ZNF729: variants seen among roughly 807,000 people sequenced by gnomAD.
ZNF729 encodes zinc finger protein 729.
A neutral mutation model predicts 12.2 loss-of-function variants in ZNF729; 15 were observed. That is an observed-to-expected ratio of 1.23 (90% CI 0.82 to 1.89). The LOEUF is 1.89. ZNF729 is among the 40% of genes most tolerant of loss of function. The pLI is 0.00. For synonymous variants in ZNF729, 492 were observed against 476.3 expected (o/e 1.03, Z -0.43); for missense variants, 1,540 against 1,456.7 (o/e 1.06, Z -0.93).
Position 22,313,888 on chromosome 19 carries a change from C to T in ZNF729, c.471C>T (p.Asn157=). 1 of 1,539,936 alleles carries T rather than the reference C, an allele frequency of 6.5e-7. No homozygotes were observed. Among genetic ancestry groups the T allele is most frequent in the Non-Finnish European group, 8.7e-7 (1 of 1,146,136 alleles). Residue 157 remains asparagine, a synonymous_variant, in exon 4 of 4, where the codon AAC becomes AAT. Coordinates refer to ENST00000601693, the MANE Select transcript of ZNF729 (RefSeq NM_001242680.2). ...TATQRKIFQC[N]KHMKVFHKYS... is the part of the protein sequence containing the mutation. ...CCCAGAGAAAAATATTTCAGTGTAA[C>T]AAACATATGAAAGTCTTTCATAAAT...
chr19:22,290,249 C>A (rs1232523631), intron 1 of ZNF729, among the ~76,000 whole-genome samples: 2 of 152,136 alleles, frequency 1.3e-5, no homozygotes, highest in Admixed American at 6.5e-5. Context: ...AACTACATAG[C>A]CTTGGAAAGT....
At position 22,316,448 on chromosome 19, in the gene ZNF729, A is replaced by G; in HGVS notation, c.3031A>G (p.Lys1011Glu). Residue 1011 changes from lysine (K) to glutamate (E), a missense_variant, in exon 4 of 4, where the codon AAG becomes GAG. Physicochemically the swap from Lys to Glu is moderately conservative, Grantham distance 56. Transcript: ENST00000601693. ...CAATTCCTCAACCCTTAAGAAACAT[A>G]AGCTAATTCATACTAGGGAGAAATT... ...FNNSSTLKKHKLIHTREKLYK... is the reference protein window; with the variant it reads ...FNNSSTLKKHELIHTREKLYK... 1.9e-6 allele frequency: 3 copies of G among 1,613,692 alleles called. No individual in the cohort carries two copies. Among genetic ancestry groups the G allele is most frequent in the South Asian group, 1.1e-5 (1 of 91,054 alleles).
chr19:22,300,567 G>A (rs1313210086), intron 1 of ZNF729, among the ~76,000 whole-genome samples: 1 of 152,162 alleles, frequency 6.6e-6, no homozygotes, highest in Non-Finnish European at 1.5e-5. Context: ...GTGCTGCAAA[G>A]TGCATACTGT....
In ZNF729 at chr19:22,316,898, A is replaced by G. The variant is rs1188563607; in HGVS notation, c.3481A>G (p.Lys1161Glu). 9.9e-6 allele frequency: 16 copies of G among 1,613,090 alleles called. No homozygotes were observed. The highest frequency in any genetic ancestry group is 1.4e-5 in the Non-Finnish European group (16 of 1,179,950). ...KIIHSVEKPY[K>E]CEECGKAFNQ... ...AATTCATTCTGTAGAGAAACCCTACAAATGTGAAGAATGTGGCAAAGCCTT... is the reference window on the plus strand; with the variant it reads ...AATTCATTCTGTAGAGAAACCCTACGAATGTGAAGAATGTGGCAAAGCCTT... Residue 1161 changes from lysine to glutamate, a missense_variant, in exon 4 of 4, where the codon AAA becomes GAA. Physicochemically the swap from Lys to Glu is moderately conservative, Grantham distance 56. Coordinates refer to ENST00000601693, the MANE Select transcript of ZNF729 (RefSeq NM_001242680.2).
intron 3 of ZNF729, among the ~76,000 whole-genome samples, chr19:22,312,789 C>A (rs1968467696): frequency 6.6e-6 from 1 of 152,142 alleles, no homozygotes; most frequent in African/African-American, 2.4e-5. Flanking sequence ...TCTCGGCTCA[C>A]CTCAACCTCC....
In ZNF729 at chr19:22,316,472, T is replaced by C. The variant is rs557304793; in HGVS notation, c.3055T>C (p.Leu1019=). Residue 1019 remains leucine (L), a synonymous_variant, in exon 4 of 4, where the codon TTG becomes CTG. Coordinates refer to ENST00000601693, the MANE Select transcript of ZNF729 (RefSeq NM_001242680.2). ...KHKLIHTREK[L]YKCEECVKAF... ...TAAGCTAATTCATACTAGGGAGAAA[T>C]TGTACAAATGTGAAGAATGTGTCAA... 2 of 1,610,946 alleles carry C rather than the reference T, an allele frequency of 1.2e-6. No individual in the cohort carries two copies. Among genetic ancestry groups the C allele is most frequent in the African/African-American group, 2.7e-5 (2 of 74,120 alleles).
chr19:22,316,308 A>G lies in ZNF729; in HGVS notation c.2891A>G (p.Tyr964Cys). ...ATAATTCATACTGGGAAGAAACCAT[A>G]CAAATGTGCAGAATGTGGCAAAGCT... ...HKIIHTGKKP[Y>C]KCAECGKAFK... The change falls in exon 4 of 4, where the codon TAC becomes TGC. Residue 964 changes from tyrosine to cysteine, a missense_variant. Coordinates refer to ENST00000601693, the MANE Select transcript of ZNF729 (RefSeq NM_001242680.2). The G allele has an allele frequency of 6.2e-7, 1 of 1,613,638 alleles. No homozygotes were observed. Among genetic ancestry groups the G allele is most frequent in the South Asian group, 1.1e-5 (1 of 91,050 alleles).
chr19:22,313,648 T>A (rs1968478210), intron 3 of ZNF729, 23 bp from the exon 4 acceptor site: 2 of 1,434,678 alleles, frequency 1.4e-6, no homozygotes, highest in East Asian at 5.0e-5. Flanking sequence ...AGTGGAATAA[T>A]TTGTTATTTT....
intron 1 of ZNF729, among the ~76,000 whole-genome samples, chr19:22,297,771 AG>A (rs1968248142): frequency 6.6e-6 from 1 of 151,940 alleles, no homozygotes; most frequent in Non-Finnish European, 1.5e-5. Flanking sequence ...TGGGAGGCCG[AG>A]GCGGGCGGAT....
intron 1 of ZNF729, 61 bp downstream of exon 1, chr19:22,286,616 G>C (rs563003955): frequency 6.2e-7 from 1 of 1,608,970 alleles, no homozygotes; most frequent in Non-Finnish European, 8.5e-7. Flanking sequence ...CCGGTGGGAA[G>C]TGGCTGTGGC....
At position 22,316,158 on chromosome 19, in the gene ZNF729, G is replaced by A. The variant is rs761198658; in HGVS notation, c.2741G>A (p.Gly914Asp). 50 of 1,577,808 alleles carry A rather than the reference G, an allele frequency of 3.2e-5. No homozygotes were observed. The highest frequency in any genetic ancestry group is 4.2e-5 in the Non-Finnish European group (48 of 1,153,438). ...AEKPCKCEECGKAFKHFSALR... is the reference protein window; with the variant it reads ...AEKPCKCEECDKAFKHFSALR... ...AAACCCTGTAAATGTGAAGAATGTG[G>A]CAAAGCTTTTAAGCATTTCTCAGCC... Residue 914 changes from glycine (G) to aspartate (D), a missense_variant, in exon 4 of 4, where the codon GGC becomes GAC. By Grantham distance (94) the Gly-to-Asp change is moderately conservative. Transcript: ENST00000601693.
chr19:22,308,493 TAGAAG>T (rs1446760542), intron 3 of ZNF729, among the ~76,000 whole-genome samples: 6 of 152,134 alleles, frequency 3.9e-5, no homozygotes, highest in African/African-American at 1.4e-4. Flanking sequence ...ATCAGCAGTG[TAGAAG>T]TGTTCCCTGA....
In ZNF729 at chr19:22,316,936, A is replaced by C. The variant is rs1408922827; in HGVS notation, c.3519A>C (p.Ser1173=). The C allele has an allele frequency of 9.3e-6, 15 of 1,613,072 alleles. No homozygotes were observed. Among genetic ancestry groups the C allele is most frequent in the African/African-American group, 2.7e-5 (2 of 74,876 alleles). ...GTGGCAAAGCCTTTAACCAGTCCTC[A>C]CACCTTACTAGACACAAAACAATTC... ...EECGKAFNQS[S]HLTRHKTIHT... is the part of the protein sequence containing the mutation. The change falls in exon 4 of 4, where the codon TCA becomes TCC. Residue 1173 remains serine, a synonymous_variant. Transcript: ENST00000601693.
In ZNF729 at chr19:22,315,033, C is replaced by T. The variant is rs1292461141; in HGVS notation, c.1616C>T (p.Thr539Ile). ...STLRNHQIIH[T>I]GEKPYKCEEC... ...CTTAGAAACCATCAGATAATTCATA[C>T]TGGAGAGAAACCCTACAAATGTGAA... Residue 539 changes from threonine (T) to isoleucine (I), a missense_variant, in exon 4 of 4, where the codon ACT (threonine) becomes ATT (isoleucine). Coordinates refer to ENST00000601693, the MANE Select transcript of ZNF729 (RefSeq NM_001242680.2). The T allele has an allele frequency of 3.7e-6, 6 of 1,611,470 alleles. No individual in the cohort carries two copies. The highest frequency in any genetic ancestry group is 5.1e-6 in the Non-Finnish European group (6 of 1,179,756).
At chr19:22,292,820 G>A (rs1091182) in intron 1 of ZNF729, among the ~76,000 whole-genome samples, 47,721 of 152,020 alleles carry the variant, frequency 0.31, 9,065 homozygotes, top group Non-Finnish European at 0.43. Context: ...GAATAGTGCC[G>A]CAATGAACAT....
In ZNF729 at chr19:22,317,069, G is replaced by A. The variant is rs781453619; in HGVS notation, c.3652G>A (p.Val1218Met). 6.2e-7 allele frequency: 1 copy of A among 1,604,552 alleles called. No individual in the cohort carries two copies. Among genetic ancestry groups the A allele is most frequent in the Non-Finnish European group, 8.5e-7 (1 of 1,176,478 alleles). ...TIHTREKPTN[V>M]KKVPKLLSNP... ...TCATACCAGAGAGAAACCTACAAATGTGAAGAAAGTACCAAAGCTTTTAAG... is the reference window on the plus strand; with the variant it reads ...TCATACCAGAGAGAAACCTACAAATATGAAGAAAGTACCAAAGCTTTTAAG... Residue 1218 changes from valine (V) to methionine (M), a missense_variant, in exon 4 of 4, where the codon GTG (valine) becomes ATG (methionine). Transcript: ENST00000601693.
intron 1 of ZNF729, among the ~76,000 whole-genome samples, chr19:22,297,708 T>C (rs1652104534): frequency 6.6e-6 from 1 of 151,666 alleles, no homozygotes; most frequent in African/African-American, 2.4e-5. Flanking sequence ...AAAGCTCATA[T>C]TAAGAACACG....
chr19:22,303,546 G>A (rs1968341103), intron 1 of ZNF729, among the ~76,000 whole-genome samples: 1 of 152,200 alleles, frequency 6.6e-6, no homozygotes, highest in Non-Finnish European at 1.5e-5. Flanking sequence ...CTACACTGGT[G>A]TTGCGGATCT....
In ZNF729 at chr19:22,314,276, A is replaced by C. The variant is rs778639544; in HGVS notation, c.859A>C (p.Thr287Pro). Residue 287 changes from threonine to proline, a missense_variant, in exon 4 of 4, where the codon ACT becomes CCT. By Grantham distance (38) the Thr-to-Pro change is conservative. Transcript: ENST00000601693. ...SNLTDHKRIHTGEKTYKCEEC... is the reference protein window; with the variant it reads ...SNLTDHKRIHPGEKTYKCEEC... Reference sequence around the variant, plus strand: ...TCTTACTGACCATAAGAGAATTCATACTGGAGAGAAAACCTACAAATGTGA... The same window carrying C: ...TCTTACTGACCATAAGAGAATTCATCCTGGAGAGAAAACCTACAAATGTGA... The C allele has an allele frequency of 1.9e-6, 3 of 1,610,326 alleles. No individual in the cohort carries two copies. Among genetic ancestry groups the C allele is most frequent in the Non-Finnish European group, 2.5e-6 (3 of 1,178,896 alleles).
Sources: gnomAD v4.1 joint callset for allele counts (sites outside exome capture counted in the v4.1 genomes callset) on GRCh38, gnomAD v4.1.1 for gene constraint, MANE v1.5 for transcripts, NCBI Gene and HGNC (gene_info 2026-07-23, HGNC 2026-07-21) for gene names.